Variants in DMXL1 observed in about 807,000 individuals in gnomAD.
DMXL1 encodes the protein dmX-like protein 1.
Under a neutral mutation model 319.2 loss-of-function variants are expected in DMXL1, and 99 were observed. That is an observed-to-expected ratio of 0.31 (90% CI 0.26 to 0.37). DMXL1 has a LOEUF of 0.37. DMXL1 is among the 10% of genes least tolerant of loss of function. DMXL1 has a pLI of 1.00. For synonymous variants in DMXL1, 1,385 were observed against 1,235.2 expected, an observed-to-expected ratio of 1.12 and a Z score of -2.54; for missense variants, 3,745 against 3,595.6, an observed-to-expected ratio of 1.04 and a Z score of -1.06.
At chr5:119,095,098 A>G (rs574864627) in intron 1 of DMXL1, among the ~76,000 whole-genome samples, 7 of 152,172 alleles carry the variant, frequency 4.6e-5, no homozygotes, top group Non-Finnish European at 5.9e-5. Flanking sequence ...CAAGCGACTC[A>G]CCTGTCTTGG....
intron 32 of DMXL1, among the ~76,000 whole-genome samples, chr5:119,202,893 A>ATATATATATATATTTATATATTTT (rs1561865781): frequency 7.2e-6 from 1 of 139,436 alleles, no homozygotes; most frequent in Non-Finnish European, 1.6e-5. Flanking sequence ...TTTTATATAT[A>ATATATATATATATTTATATATTTT]TATATATATA....
chr5:119,082,193 C>T (rs1238877235), intron 1 of DMXL1, among the ~76,000 whole-genome samples: 11 of 151,980 alleles, frequency 7.2e-5, no homozygotes, highest in African/African-American at 4.8e-5. Flanking sequence ...CTCACTGCAG[C>T]CTCAAACTCT....
chr5:119,175,347 T>C lies in DMXL1; in HGVS notation c.6758+10T>C, dbSNP rs1775593478. ...GTAGTCATAACTACAGGTAACTATC[T>C]TTTTATGAAATTTAAGAATGCTTAC... On this transcript the variant is annotated intron_variant, in intron 26 of 43. Transcript: ENST00000539542. 1 of 1,595,502 alleles carries C rather than the reference T, an allele frequency of 6.3e-7. No homozygotes were observed. The highest frequency in any genetic ancestry group is 1.7e-5 in the Admixed American group (1 of 59,298).
At chr5:119,150,712 G>A (rs1769585751) in intron 18 of DMXL1, among the ~76,000 whole-genome samples, 1 of 151,716 alleles carries the variant, frequency 6.6e-6, no homozygotes, top group African/African-American at 2.4e-5. Flanking sequence ...TGATGCTTGA[G>A]CCCAGGAGGT....
At position 119,150,531 on chromosome 5, in the gene DMXL1, G is replaced by C. The variant is rs59560401; in HGVS notation, c.4594+110G>C. 9,126 of 1,222,220 alleles carry C rather than the reference G, an allele frequency of 7.5e-3. 559 individuals are homozygous for C. In the African/African-American group the frequency reaches 0.12, roughly 17 times the overall value. 75.7% of individuals were successfully genotyped at this position (1,222,220 alleles called of 1,614,324 possible). A position where few individuals can be genotyped will look rare whatever the true frequency, so the allele number is the denominator to read the frequency against. On this transcript the variant is annotated intron_variant, in intron 18 of 43. Transcript: ENST00000539542. ...TGGCTAGGCACAGGGGCTTATGCCT[G>C]TAAATTCAGCTCTTTGGGAGGCTGA... is the stretch of plus-strand genomic sequence containing the variant.
Position 119,170,236 on chromosome 5 carries a change from T to G in DMXL1, c.5445T>G (p.Asn1815Lys). 1 of 1,606,782 alleles carries G rather than the reference T, an allele frequency of 6.2e-7. No homozygotes were observed. The highest frequency in any genetic ancestry group is 8.5e-7 in the Non-Finnish European group (1 of 1,178,090). ...ASNPTVFNFY[N>K]YLRTHPLLLR... ...ATCCTACAGTTTTTAATTTCTACAA[T>G]TATCTAAGAACACATCCTCTTTTGC... The change falls in exon 24 of 44, where the codon AAT becomes AAG. Residue 1815 changes from asparagine (N) to lysine (K), a missense_variant. Asn to Lys is a moderately conservative substitution (Grantham distance 94, BLOSUM62 0). Coordinates refer to ENST00000539542, the MANE Select transcript of DMXL1 (RefSeq NM_001290321.3).
At chr5:119,233,023 T>A (rs1787067855) in intron 38 of DMXL1, among the ~76,000 whole-genome samples, 1 of 151,710 alleles carries the variant, frequency 6.6e-6, no homozygotes, top group South Asian at 2.1e-4. Flanking sequence ...TTTCTTATAA[T>A]GAGTAATATA....
In DMXL1 at chr5:119,071,443, C is replaced by G. The variant is rs190451431; in HGVS notation, c.-127C>G. 2.1e-3 allele frequency: 1,911 copies of G among 926,930 alleles called. 36 individuals are homozygous for G. In the East Asian group the frequency reaches 0.045, roughly 22 times the overall value. The allele number at this position is 926,930 out of a possible 1,614,324, so 57.4% of individuals were successfully genotyped here. A position where few individuals can be genotyped will look rare whatever the true frequency, so the allele number is the denominator to read the frequency against. On this transcript the variant is annotated 5_prime_UTR_variant, in exon 1 of 44. Coordinates refer to ENST00000539542, the MANE Select transcript of DMXL1 (RefSeq NM_001290321.3). ...AGCTGAGCGGCTCCGGCTCCAGGCG[C>G]CTGTCGCTGCTTCTGCCGTCGCCAC...
Position 119,152,056 on chromosome 5 carries a change from A to G in DMXL1, c.4702+20A>G. ...ACCAAGGTGATTTTGATAGTAATCT[A>G]TTAAAGGGAAATAAAGCGAGTAGAA... On this transcript the variant is annotated intron_variant, in intron 19 of 43. Coordinates refer to ENST00000539542, the MANE Select transcript of DMXL1 (RefSeq NM_001290321.3). 1 of 1,533,470 alleles carries G rather than the reference A, an allele frequency of 6.5e-7. No homozygotes were observed. Among genetic ancestry groups the G allele is most frequent in the Non-Finnish European group, 9.0e-7 (1 of 1,113,100 alleles). 95.0% of individuals were successfully genotyped at this position (1,533,470 alleles called of 1,614,324 possible).
intron 42 of DMXL1, among the ~76,000 whole-genome samples, chr5:119,243,046 G>A (rs755842026): frequency 3.3e-5 from 5 of 152,160 alleles, no homozygotes; most frequent in African/African-American, 4.8e-5. Flanking sequence ...CTTTTGTTGG[G>A]GAGGAGAATT....
At chr5:119,218,094 T>C (rs947562289) in intron 35 of DMXL1, among the ~76,000 whole-genome samples, 1 of 152,102 alleles carries the variant, frequency 6.6e-6, no homozygotes, top group African/African-American at 2.4e-5. Flanking sequence ...ACAAAATTAT[T>C]GGCCAGGTGT....
At chr5:119,141,946 C>T (rs1767460823) in intron 13 of DMXL1, among the ~76,000 whole-genome samples, 1 of 151,978 alleles carries the variant, frequency 6.6e-6, no homozygotes. Context: ...AATAGAGAAT[C>T]CAGATATAAG....
rs1230680908 is a variant in DMXL1, at chr5:119,148,723, ATTATTT to A, written c.2912-8_2912-3del. ...ACCAAATTTGACATTTTGTTAACGGATTATTTTTATTTTAGGACATCTGAGTTCATC... is the reference window on the plus strand; with the variant it reads ...ACCAAATTTGACATTTTGTTAACGGATTATTTTAGGACATCTGAGTTCATC... On this transcript the variant is annotated splice_polypyrimidine_tract_variant and intron_variant, in intron 17 of 43. Coordinates refer to ENST00000539542, the MANE Select transcript of DMXL1 (RefSeq NM_001290321.3). 1.3e-6 allele frequency: 2 copies of A among 1,588,690 alleles called. No individual in the cohort carries two copies. Among genetic ancestry groups the A allele is most frequent in the Non-Finnish European group, 1.7e-6 (2 of 1,167,156 alleles).
chr5:119,171,810 G>C lies in DMXL1; in HGVS notation c.6522G>C (p.Leu2174=). 1 of 1,612,758 alleles carries C rather than the reference G, an allele frequency of 6.2e-7. No individual in the cohort carries two copies. The highest frequency in any genetic ancestry group is 8.5e-7 in the Non-Finnish European group (1 of 1,179,454). ...CAGAACCACTATTTTCTAGCCCTCT[G>C]TCAGAGCAAACCTCAGTGCCTCTCC... ...ETSEPLFSSP[L]SEQTSVPLLF... The change falls in exon 25 of 44, where the codon CTG becomes CTC. Residue 2174 remains leucine, a synonymous_variant. Transcript: ENST00000539542.
In DMXL1 at chr5:119,171,148, A is replaced by C; in HGVS notation, c.6357A>C (p.Lys2119Asn). 6.2e-7 allele frequency: 1 copy of C among 1,613,982 alleles called. No individual in the cohort carries two copies. Among genetic ancestry groups the C allele is most frequent in the South Asian group, 1.1e-5 (1 of 91,076 alleles). Reference sequence around the variant, plus strand: ...AACTGAGAGAAAATTTTCAGGAAAAAAGACAGTGGCTCTTGAAGTATCAGT... The same window carrying C: ...AACTGAGAGAAAATTTTCAGGAAAACAGACAGTGGCTCTTGAAGTATCAGT... ...VKQLRENFQE[K>N]RQWLLKYQSL... The change falls in exon 24 of 44, where the codon AAA becomes AAC. Residue 2119 changes from lysine to asparagine, a missense_variant. Coordinates refer to ENST00000539542, the MANE Select transcript of DMXL1 (RefSeq NM_001290321.3).
chr5:119,215,597 G>T (rs1393778728), intron 34 of DMXL1, among the ~76,000 whole-genome samples: 1 of 152,056 alleles, frequency 6.6e-6, no homozygotes, highest in Non-Finnish European at 1.5e-5. Flanking sequence ...CTCTCAAAGT[G>T]CTGGGATTAT....
intron 1 of DMXL1, among the ~76,000 whole-genome samples, chr5:119,084,692 C>T (rs1752949983): frequency 6.6e-6 from 1 of 151,626 alleles, no homozygotes; most frequent in Non-Finnish European, 1.5e-5. Context: ...ATGGAAAAAC[C>T]CCATCTCTAC....
intron 39 of DMXL1, 69 bp downstream of exon 39, chr5:119,233,536 G>C (rs1787166903): frequency 7.0e-7 from 1 of 1,430,578 alleles, no homozygotes; most frequent in Non-Finnish European, 9.7e-7. Flanking sequence ...ACTAGTTTGG[G>C]TTTCTGAAAA....
chr5:119,218,857 C>T (rs2150567839), intron 35 of DMXL1, among the ~76,000 whole-genome samples: 1 of 151,908 alleles, frequency 6.6e-6, no homozygotes, highest in Admixed American at 6.6e-5. Flanking sequence ...ATTTTTTTTG[C>T]CATTTGTTTA....
Sources: gnomAD v4.1 joint callset for allele counts (sites outside exome capture counted in the v4.1 genomes callset) on GRCh38, gnomAD v4.1.1 for gene constraint, MANE v1.5 for transcripts, NCBI Gene and HGNC (gene_info 2026-07-23, HGNC 2026-07-21) for gene names.